OSBPL1A: variants seen among roughly 807,000 people sequenced by gnomAD.
The protein encoded by OSBPL1A is oxysterol binding protein like 1A, also known as oxysterol-binding protein-related protein 1.
Under a neutral mutation model 137.1 loss-of-function variants are expected in OSBPL1A, and 80 were observed. The ratio of observed to expected loss-of-function variants is 0.58; its 90% CI spans 0.49 to 0.70. The LOEUF is 0.70. OSBPL1A is among the 30% of genes least tolerant of loss of function. The pLI, the probability that OSBPL1A is intolerant of heterozygous loss-of-function variation, is 0.00. For missense variants in OSBPL1A, 970 were observed against 1,129.4 expected, an observed-to-expected ratio of 0.86 and a Z score of 2.02; for synonymous variants, 365 against 389.7, an observed-to-expected ratio of 0.94 and a Z score of 0.75.
chr18:24,313,310 A>G (rs1170375019), intron 12 of OSBPL1A, among the ~76,000 whole-genome samples: 1 of 151,566 alleles, frequency 6.6e-6, no homozygotes, highest in African/African-American at 2.4e-5. Flanking sequence ...GCATGGTGGC[A>G]TGCACCTGTA....
At chr18:24,253,568 CA>C (rs1262798331) in intron 15 of OSBPL1A, among the ~76,000 whole-genome samples, 1 of 152,192 alleles carries the variant, frequency 6.6e-6, no homozygotes, top group Non-Finnish European at 1.5e-5. Flanking sequence ...TTACTCAAAT[CA>C]GTCTCTCTAG....
At chr18:24,292,164 A>G (rs1273206512) in intron 14 of OSBPL1A, among the ~76,000 whole-genome samples, 1 of 152,220 alleles carries the variant, frequency 6.6e-6, no homozygotes, top group African/African-American at 2.4e-5. Flanking sequence ...ACTATAACCC[A>G]GTGAGGGTGA....
intron 15 of OSBPL1A, 149 bp downstream of exon 15, chr18:24,280,693 A>G (rs1019728221): frequency 1.7e-5 from 8 of 459,338 alleles, no homozygotes; most frequent in African/African-American, 1.6e-4. Flanking sequence ...ATAATAAATA[A>G]GTTCTAAATT....
At chr18:24,257,695 C>T (rs941161455) in intron 15 of OSBPL1A, among the ~76,000 whole-genome samples, 1 of 151,956 alleles carries the variant, frequency 6.6e-6, no homozygotes, top group African/African-American at 2.4e-5. Flanking sequence ...AGAGACAACC[C>T]ACAAAATTAT....
At chr18:24,260,461 TC>T (rs2089416960) in intron 15 of OSBPL1A, among the ~76,000 whole-genome samples, 1 of 152,198 alleles carries the variant, frequency 6.6e-6, no homozygotes, top group Non-Finnish European at 1.5e-5. Context: ...ATACCATACT[TC>T]TTAGCCATCA....
chr18:24,242,559 C>A (rs1176603105), intron 15 of OSBPL1A, among the ~76,000 whole-genome samples: 1 of 152,160 alleles, frequency 6.6e-6, no homozygotes, highest in African/African-American at 2.4e-5. Flanking sequence ...TTCTGTGGCC[C>A]TGAGTTCCTG....
intron 13 of OSBPL1A, among the ~76,000 whole-genome samples, chr18:24,309,940 A>C (rs1469504581): frequency 6.6e-6 from 1 of 151,294 alleles, no homozygotes; most frequent in Non-Finnish European, 1.5e-5. Context: ...CCAGCTACTC[A>C]GGAGGCTGAG....
chr18:24,348,805 G>T, intron 4 of OSBPL1A, among the ~76,000 whole-genome samples: 1 of 151,932 alleles, frequency 6.6e-6, no homozygotes, highest in East Asian at 1.9e-4. Context: ...CCTTCAAAAA[G>T]GTAAAAGATA....
chr18:24,316,021 TAGGCCAAGGC>T (rs2090729403), intron 11 of OSBPL1A, among the ~76,000 whole-genome samples: 1 of 149,634 alleles, frequency 6.7e-6, no homozygotes, highest in African/African-American at 2.5e-5. Flanking sequence ...AGCACTTTGG[TAGGCCAAGGC>T]AGGAGGATTG....
At chr18:24,379,023 G>C (rs1204433387) in intron 1 of OSBPL1A, among the ~76,000 whole-genome samples, 1 of 151,930 alleles carries the variant, frequency 6.6e-6, no homozygotes, top group African/African-American at 2.4e-5. Flanking sequence ...CAAAGAAAAT[G>C]TTAAAAAATA....
chr18:24,220,225 C>T lies in OSBPL1A; in HGVS notation c.1601+4817G>A, dbSNP rs74694669. ...ACAGCACAGTGGTGCCCTCGTCTGACCTACATGCCTTTTAGAATACCAAGC... is the reference window on the plus strand; with the variant it reads ...ACAGCACAGTGGTGCCCTCGTCTGATCTACATGCCTTTTAGAATACCAAGC... On this transcript the variant is annotated intron_variant, in intron 17 of 27. Coordinates refer to ENST00000319481, the MANE Select transcript of OSBPL1A (RefSeq NM_080597.4). Among the ~76,000 whole-genome samples the T allele has an allele frequency of 7.5e-3, 1,137 of 152,354 alleles. 15 individuals are homozygous for T. The highest frequency in any genetic ancestry group is 0.026 in the African/African-American group (1,069 of 41,572).
At chr18:24,393,844 A>G (rs1194706383) in intron 1 of OSBPL1A, among the ~76,000 whole-genome samples, 1 of 152,234 alleles carries the variant, frequency 6.6e-6, no homozygotes, top group Non-Finnish European at 1.5e-5. Flanking sequence ...GAGGAATTTG[A>G]ATCTGAATTA....
chr18:24,335,344 G>A (rs1471611596), intron 5 of OSBPL1A, among the ~76,000 whole-genome samples: 1 of 152,144 alleles, frequency 6.6e-6, no homozygotes, highest in Non-Finnish European at 1.5e-5. Context: ...GGCACCAAGA[G>A]GTTATGGAAT....
intron 1 of OSBPL1A, among the ~76,000 whole-genome samples, chr18:24,395,987 G>A (rs1448511599): frequency 2.0e-5 from 3 of 150,250 alleles, no homozygotes; most frequent in Non-Finnish European, 4.4e-5. Flanking sequence ...TTGGGAGGCC[G>A]AGGCAGGCGG....
intron 15 of OSBPL1A, among the ~76,000 whole-genome samples, chr18:24,248,077 A>G (rs1461783653): frequency 6.6e-6 from 1 of 152,224 alleles, no homozygotes; most frequent in Non-Finnish European, 1.5e-5. Context: ...CCTTTGCTAA[A>G]GGCTCAGACA....
intron 4 of OSBPL1A, among the ~76,000 whole-genome samples, chr18:24,351,829 T>C (rs984964229): frequency 2.0e-5 from 3 of 152,036 alleles, no homozygotes; most frequent in Non-Finnish European, 4.4e-5. Context: ...CGTGAGCCAC[T>C]GTGCCCAGCC....
intron 18 of OSBPL1A, among the ~76,000 whole-genome samples, chr18:24,193,554 C>T (rs2086948404): frequency 2.0e-5 from 3 of 151,532 alleles, no homozygotes; most frequent in Admixed American, 1.3e-4. Flanking sequence ...TTAATCTTTA[C>T]TGTCGCTTAG....
intron 17 of OSBPL1A, among the ~76,000 whole-genome samples, chr18:24,222,091 T>C (rs1260396145): frequency 6.6e-6 from 1 of 152,190 alleles, no homozygotes; most frequent in African/African-American, 2.4e-5. Context: ...AGGCATCTTA[T>C]TCCTGATAAG....
intron 21 of OSBPL1A, among the ~76,000 whole-genome samples, chr18:24,176,919 C>G (rs1048427563): frequency 1.3e-5 from 2 of 152,174 alleles, no homozygotes; most frequent in Non-Finnish European, 2.9e-5. Context: ...TGTGGTTTCC[C>G]CAACACTCTT....
Sources: gnomAD v4.1 joint callset for allele counts (sites outside exome capture counted in the v4.1 genomes callset) on GRCh38, gnomAD v4.1.1 for gene constraint, MANE v1.5 for transcripts, NCBI Gene and HGNC (gene_info 2026-07-23, HGNC 2026-07-21) for gene names.